PRKCA: variants seen among roughly 807,000 people sequenced by gnomAD.
The protein encoded by PRKCA is protein kinase C alpha.
PRKCA carries 27 observed loss-of-function variants against 87.0 expected under a neutral mutation model. The ratio of observed to expected loss-of-function variants is 0.31; its 90% CI spans 0.23 to 0.43. The LOEUF is 0.43. Among genes scored for constraint, PRKCA ranks in the 20% least tolerant of loss-of-function variants. The pLI is 1.00. For missense variants in PRKCA, 518 were observed against 852.3 expected, an observed-to-expected ratio of 0.61 and a Z score of 4.88; for synonymous variants, 329 against 311.1, an observed-to-expected ratio of 1.06 and a Z score of -0.61.
Position 66,792,485 on chromosome 17 carries a change from G to T in PRKCA, c.1854+3506G>T, listed in dbSNP as rs141584792. On this transcript the variant is annotated intron_variant, in intron 16 of 16. Coordinates refer to ENST00000413366, the MANE Select transcript of PRKCA (RefSeq NM_002737.3). This position sits in a 1 kb window ranked among gnomAD's most constrained non-coding sequence, Gnocchi z 4.5. ...CCACAGAGCTTATCAGGGAATCATG[G>T]TTCCTCTAGTGTGCTGTCTTAATCC... 1.1e-4 allele frequency among the ~76,000 whole-genome samples: 17 copies of T among 152,306 alleles called. No individual in the cohort carries two copies. Among genetic ancestry groups the T allele is most frequent in the African/African-American group, 4.1e-4 (17 of 41,568 alleles).
chr17:66,765,477 C>CAT (rs200251171), intron 13 of PRKCA, among the ~76,000 whole-genome samples: 4 of 45,968 alleles, frequency 8.7e-5, no homozygotes, highest in Non-Finnish European at 1.4e-4. Flanking sequence ...CATATTTGTC[C>CAT]ATATATATAT....
chr17:66,641,928 A>C (rs1598838452), intron 4 of PRKCA, among the ~76,000 whole-genome samples: 1 of 152,276 alleles, frequency 6.6e-6, no homozygotes, highest in South Asian at 2.1e-4. Flanking sequence ...ACCAAAATGA[A>C]CATAAAAACC....
At chr17:66,562,126 ATATAATTAAATTATATATATAATTAAAT>A (rs1968715560) in intron 3 of PRKCA, among the ~76,000 whole-genome samples, 1 of 35,662 alleles carries the variant, frequency 2.8e-5, no homozygotes, top group Admixed American at 3.2e-4. Flanking sequence ...AATTAAATAT[ATATAATTAAATTATATATATAATTAAAT>A]TATATATATA....
At chr17:66,404,931 G>A (rs1911273652) in intron 2 of PRKCA, among the ~76,000 whole-genome samples, 2 of 151,824 alleles carry the variant, frequency 1.3e-5, no homozygotes. Context: ...TGTGTTTTTA[G>A]TAGAGACGGG....
intron 2 of PRKCA, among the ~76,000 whole-genome samples, chr17:66,490,824 G>C (rs1916213554): frequency 6.6e-6 from 1 of 152,154 alleles, no homozygotes; most frequent in South Asian, 2.1e-4. Flanking sequence ...CAAGTGATCT[G>C]CCCACCTCAG....
intron 10 of PRKCA, among the ~76,000 whole-genome samples, chr17:66,737,370 A>G (rs1490089643): frequency 1.3e-5 from 2 of 152,188 alleles, no homozygotes; most frequent in African/African-American, 4.8e-5. Context: ...CTTAAAAAGA[A>G]AAAAAAGAAA....
At chr17:66,791,046 G>T (rs1975522369) in intron 16 of PRKCA, among the ~76,000 whole-genome samples, 1 of 150,310 alleles carries the variant, frequency 6.7e-6, no homozygotes, top group Admixed American at 6.6e-5. Context: ...TGTGCACAAT[G>T]TGCAGGTTTG....
chr17:66,650,506 G>A (rs893250811), intron 5 of PRKCA, among the ~76,000 whole-genome samples: 4 of 152,124 alleles, frequency 2.6e-5, no homozygotes, highest in Admixed American at 6.5e-5. Context: ...AAAAAATATC[G>A]GGTGCTTTAG....
intron 2 of PRKCA, among the ~76,000 whole-genome samples, chr17:66,417,404 G>A (rs1460128772): frequency 1.3e-5 from 2 of 152,120 alleles, no homozygotes; most frequent in Non-Finnish European, 2.9e-5. Context: ...AGAGGAATTT[G>A]TCTTTGCCTG....
At chr17:66,572,911 C>G (rs937459773) in intron 3 of PRKCA, among the ~76,000 whole-genome samples, 1 of 152,132 alleles carries the variant, frequency 6.6e-6, no homozygotes, top group Non-Finnish European at 1.5e-5. Context: ...ATACAGAGTC[C>G]TGTAATTCAG....
intron 2 of PRKCA, among the ~76,000 whole-genome samples, chr17:66,485,424 T>C (rs1915953621): frequency 6.6e-6 from 1 of 152,218 alleles, no homozygotes; most frequent in Non-Finnish European, 1.5e-5. Flanking sequence ...TGTCCTAACG[T>C]GCTGAGTGCT....
At chr17:66,518,258 G>A (rs1357926097) in intron 3 of PRKCA, among the ~76,000 whole-genome samples, 2 of 152,146 alleles carry the variant, frequency 1.3e-5, no homozygotes, top group African/African-American at 2.4e-5. Context: ...TTGATGATGA[G>A]CACAGTAGAA....
At chr17:66,460,121 A>G (rs1914777346) in intron 2 of PRKCA, among the ~76,000 whole-genome samples, 1 of 152,182 alleles carries the variant, frequency 6.6e-6, no homozygotes, top group Admixed American at 6.5e-5. Context: ...GTTTTTTTCT[A>G]AGTAAGTCTA....
rs1972708613 is a variant in PRKCA at position 66,689,089 on chromosome 17, A to G, written c.918+42A>G. On this transcript the variant is annotated intron_variant, in intron 8 of 16. Transcript: ENST00000413366. The surrounding 1 kb of genome is among the most constrained non-coding windows in gnomAD (Gnocchi z 4.1). ...GCCCGGAAACACCTTTCCTTTAGAA[A>G]GCCCAACTTCAGGAACGGCCGAGAT... 1 of 1,347,638 alleles carries G rather than the reference A, an allele frequency of 7.4e-7. No individual in the cohort carries two copies. Among genetic ancestry groups the G allele is most frequent in the African/African-American group, 1.5e-5 (1 of 67,328 alleles). The allele number at this position is 1,347,638 out of a possible 1,614,324, so 83.5% of individuals were successfully genotyped here. A position where few individuals can be genotyped will look rare whatever the true frequency, so the allele number is the denominator to read the frequency against.
At chr17:66,407,156 T>C (rs902277928) in intron 2 of PRKCA, among the ~76,000 whole-genome samples, 6 of 152,020 alleles carry the variant, frequency 3.9e-5, no homozygotes, top group Non-Finnish European at 7.4e-5. Context: ...TTTTTTTTTT[T>C]CCCATTGGTT....
In PRKCA at chr17:66,351,486, G is replaced by A. The variant is rs566413751; in HGVS notation, c.205+45359G>A. On this transcript the variant is annotated intron_variant, in intron 2 of 16. Coordinates refer to ENST00000413366, the MANE Select transcript of PRKCA (RefSeq NM_002737.3). ...GTTTTTAGATTCGAGAGCTCATCCC[G>A]TAGGCCAGGGAGAGTGAGTACTAAT... Among the ~76,000 whole-genome samples the A allele has an allele frequency of 7.9e-5, 12 of 152,262 alleles. No individual in the cohort carries two copies. In the South Asian group the frequency reaches 8.3e-4, roughly 11 times the overall value.
At chr17:66,665,966 T>C (rs1972031666) in intron 5 of PRKCA, among the ~76,000 whole-genome samples, 1 of 152,086 alleles carries the variant, frequency 6.6e-6, no homozygotes, top group Non-Finnish European at 1.5e-5. Flanking sequence ...GGTTCACTCT[T>C]GGGATGACCA....
At chr17:66,570,709 G>C (rs573492011) in intron 3 of PRKCA, among the ~76,000 whole-genome samples, 24 of 152,252 alleles carry the variant, frequency 1.6e-4, no homozygotes, top group African/African-American at 5.8e-4. Flanking sequence ...GTAATGTCTT[G>C]ATATAACTGT....
In PRKCA at chr17:66,675,499, G is replaced by T. The variant is rs568821488; in HGVS notation, c.530-11612G>T. Reference sequence around the variant, plus strand: ...CTTTGCACACAGGTTCTGAAAGTGCGTGGAGAGAGGACGATCCCTCGGTCC... The same window carrying T: ...CTTTGCACACAGGTTCTGAAAGTGCTTGGAGAGAGGACGATCCCTCGGTCC... On this transcript the variant is annotated intron_variant, in intron 5 of 16. Transcript: ENST00000413366. Among the ~76,000 whole-genome samples, 8 of 152,318 alleles carry T rather than the reference G, an allele frequency of 5.3e-5. No individual in the cohort carries two copies. In the South Asian group the frequency reaches 1.7e-3, roughly 32 times the overall value.
Sources: allele counts gnomAD v4.1 joint callset (sites outside exome capture counted in the v4.1 genomes callset), GRCh38; gene constraint gnomAD v4.1.1; non-coding constraint Gnocchi (gnomAD v3.1); transcripts MANE v1.5; gene names NCBI Gene and HGNC (gene_info 2026-07-23, HGNC 2026-07-21).